The following RAPGEF2 variants were observed in gnomAD, a reference collection of about 807,000 sequenced individuals.
The protein encoded by RAPGEF2 is PDZ domain containing guanine nucleotide exchange factor (GEF) 1.
A neutral mutation model predicts 186.7 loss-of-function variants in RAPGEF2; 54 were observed. The ratio of observed to expected loss-of-function variants is 0.29; its 90% CI spans 0.23 to 0.36. The LOEUF is 0.36. Among genes scored for constraint, RAPGEF2 ranks in the 10% least tolerant of loss-of-function variants. The pLI is 1.00. For synonymous variants in RAPGEF2, 712 were observed against 705.9 expected (o/e 1.01, Z -0.14); for missense variants, 1,532 against 2,045.0 (o/e 0.75, Z 4.84).
At chr4:159,204,753 GT>G (rs922471884) in intron 3 of RAPGEF2, among the ~76,000 whole-genome samples, 2 of 152,142 alleles carry the variant, frequency 1.3e-5, no homozygotes, top group African/African-American at 4.8e-5. Context: ...GTTGTCCATT[GT>G]GGTTCCTAGC....
At chr4:159,164,150 G>C (rs1051874225) in intron 1 of RAPGEF2, among the ~76,000 whole-genome samples, 1 of 151,770 alleles carries the variant, frequency 6.6e-6, no homozygotes, top group Admixed American at 6.6e-5. Context: ...GACTACAGGC[G>C]CCCACCACCA....
rs377208218 is a variant in RAPGEF2 at position 159,276,467 on chromosome 4, C to A, written c.544-27875C>A. 4.6e-5 allele frequency among the ~76,000 whole-genome samples: 7 copies of A among 152,104 alleles called. No homozygotes were observed. The East Asian group carries it at 1.4e-3, about 29-fold the overall frequency. On this transcript the variant is annotated intron_variant, in intron 7 of 29. Transcript: ENST00000691494. ...ACCTAAATATAAAAATAACTTAAAA[C>A]AATTTTATATAGAAGAGGGTACACT...
rs1364077085 is a variant in RAPGEF2, at chr4:159,342,538, TTTATTTTATTTTATA to T, written c.2919-426_2919-412del. Among the ~76,000 whole-genome samples the T allele has an allele frequency of 5.2e-3, 569 of 110,064 alleles. 5 individuals carry two copies. Among genetic ancestry groups the T allele is most frequent in the African/African-American group, 0.017 (435 of 24,860 alleles). 72.2% of individuals were successfully genotyped at this position (110,064 alleles called of 152,430 possible). Reference sequence around the variant, plus strand: ...ATTACTATCATAGCTTTTATTTTATTTTATTTTATTTTATATTATTTTATTTTATTTTATTTTATT... The same window carrying T: ...ATTACTATCATAGCTTTTATTTTATTTTATTTTATTTTATTTTATTTTATT... On this transcript the variant is annotated intron_variant, in intron 20 of 29. Coordinates refer to ENST00000691494, the MANE Select transcript of RAPGEF2 (RefSeq NM_001394067.2).
intron 4 of RAPGEF2, among the ~76,000 whole-genome samples, chr4:159,227,149 A>G (rs1356133018): frequency 6.6e-6 from 1 of 152,208 alleles, no homozygotes; most frequent in Non-Finnish European, 1.5e-5. Context: ...ATAGAGCTTT[A>G]AAGAATATCA....
intron 3 of RAPGEF2, among the ~76,000 whole-genome samples, chr4:159,206,849 A>T (rs1200124189): frequency 6.6e-6 from 1 of 152,220 alleles, no homozygotes; most frequent in Non-Finnish European, 1.5e-5. Context: ...TGGGGGATGG[A>T]TAGGAGGAGA....
chr4:159,137,411 T>C (rs1281810645), intron 1 of RAPGEF2, among the ~76,000 whole-genome samples: 2 of 152,142 alleles, frequency 1.3e-5, no homozygotes, highest in African/African-American at 2.4e-5. Flanking sequence ...GTCTCTCCTC[T>C]TGTATAAGAA....
intron 9 of RAPGEF2, among the ~76,000 whole-genome samples, chr4:159,315,649 A>G (rs1468426718): frequency 6.6e-6 from 1 of 152,316 alleles, no homozygotes; most frequent in South Asian, 2.1e-4. Flanking sequence ...GTCATCTCCA[A>G]TGATAGGTAA....
intron 4 of RAPGEF2, among the ~76,000 whole-genome samples, chr4:159,238,247 G>A (rs934840765): frequency 6.6e-6 from 1 of 152,162 alleles, no homozygotes; most frequent in Admixed American, 6.5e-5. Context: ...TGAGCTTTTA[G>A]TAGTACATCA....
At chr4:159,255,577 T>C (rs997556675) in intron 7 of RAPGEF2, among the ~76,000 whole-genome samples, 1 of 152,128 alleles carries the variant, frequency 6.6e-6, no homozygotes, top group African/African-American at 2.4e-5. Context: ...GCACCAGAAA[T>C]GTTGTCTCAA....
chr4:159,252,448 T>C (rs1039016103), intron 7 of RAPGEF2, among the ~76,000 whole-genome samples: 2 of 152,252 alleles, frequency 1.3e-5, no homozygotes, highest in African/African-American at 4.8e-5. Context: ...TTTTGCCATT[T>C]GTTAATTTAT....
At position 159,306,015 on chromosome 4, in the gene RAPGEF2, A is replaced by G. The variant is rs1561249679; in HGVS notation, c.675+1542A>G. Among the ~76,000 whole-genome samples, 5 of 152,076 alleles carry G rather than the reference A, an allele frequency of 3.3e-5. No individual in the cohort carries two copies. The East Asian group carries it at 9.6e-4, about 29-fold the overall frequency. On this transcript the variant is annotated intron_variant, in intron 8 of 29. Transcript: ENST00000691494. ...GTTCTTTATTTTGTTCCATTGATCT[A>G]TGTACCTATTTTAATACCAGTATCA...
At chr4:159,344,131 G>A in intron 23 of RAPGEF2, 72 bp downstream of exon 23, 2 of 1,465,472 alleles carry the variant, frequency 1.4e-6, no homozygotes, top group South Asian at 1.2e-5. Flanking sequence ...CTTACCTGCT[G>A]TATTTTCTGA....
intron 6 of RAPGEF2, among the ~76,000 whole-genome samples, chr4:159,241,773 C>G (rs1372708922): frequency 6.6e-6 from 1 of 151,922 alleles, no homozygotes; most frequent in Non-Finnish European, 1.5e-5. Flanking sequence ...TTAGCGCCCT[C>G]CTGTGCACTC....
chr4:159,201,236 TAATA>T (rs1207191933), intron 3 of RAPGEF2, among the ~76,000 whole-genome samples: 2 of 152,352 alleles, frequency 1.3e-5, no homozygotes, highest in African/African-American at 4.8e-5. Flanking sequence ...TTTTAAACTG[TAATA>T]AATCCAGTAA....
chr4:159,159,661 A>G (rs1379615149), intron 1 of RAPGEF2, among the ~76,000 whole-genome samples: 1 of 152,238 alleles, frequency 6.6e-6, no homozygotes, highest in Non-Finnish European at 1.5e-5. Flanking sequence ...AATTATTCAT[A>G]CACATATTAC....
intron 1 of RAPGEF2, among the ~76,000 whole-genome samples, chr4:159,109,297 G>C (rs1213504442): frequency 6.6e-6 from 1 of 152,100 alleles, no homozygotes; most frequent in Non-Finnish European, 1.5e-5. Flanking sequence ...TTCAAGACCA[G>C]CCTGGGCATC....
intron 7 of RAPGEF2, among the ~76,000 whole-genome samples, chr4:159,254,964 C>T (rs1755974638): frequency 6.6e-6 from 1 of 152,208 alleles, no homozygotes; most frequent in Admixed American, 6.5e-5. Flanking sequence ...CGACCACATA[C>T]ACAACAGTGG....
chr4:159,254,513 G>A lies in RAPGEF2; in HGVS notation c.543+10722G>A, dbSNP rs557431662. Among the ~76,000 whole-genome samples, 3 of 152,126 alleles carry A rather than the reference G, an allele frequency of 2.0e-5. No homozygotes were observed. In the East Asian group the frequency reaches 5.8e-4, roughly 29 times the overall value. ...GTTCTGCAAATAAACAGAACCAGTG[G>A]AGCGTTAAGGGAAGGAGATATTCAG... On this transcript the variant is annotated intron_variant, in intron 7 of 29. Coordinates refer to ENST00000691494, the MANE Select transcript of RAPGEF2 (RefSeq NM_001394067.2).
At chr4:159,192,968 A>T (rs1326151029) in intron 2 of RAPGEF2, among the ~76,000 whole-genome samples, 2 of 152,230 alleles carry the variant, frequency 1.3e-5, no homozygotes, top group South Asian at 2.1e-4. Flanking sequence ...AAACATGGTG[A>T]AGTTGACATC....
Sources: gnomAD v4.1 joint callset for allele counts (sites outside exome capture counted in the v4.1 genomes callset) on GRCh38, gnomAD v4.1.1 for gene constraint, MANE v1.5 for transcripts, NCBI Gene and HGNC (gene_info 2026-07-23, HGNC 2026-07-21) for gene names.